The following NEMF variants were observed in gnomAD, a reference collection of about 807,000 sequenced individuals.
The protein encoded by NEMF is ribosome quality control complex subunit NEMF.
NEMF carries 89 observed loss-of-function variants against 162.2 expected under a neutral mutation model. The observed-to-expected ratio is 0.55, with a 90% CI of 0.46 to 0.65. The LOEUF (loss-of-function observed/expected upper bound fraction) is 0.65, where lower values mean the gene tolerates loss of function less well. NEMF is among the 30% of genes least tolerant of loss of function. The pLI is 0.00. For synonymous variants in NEMF, 421 were observed against 404.5 expected (o/e 1.04, Z -0.49); for missense variants, 1,133 against 1,261.9 (o/e 0.90, Z 1.55).
intron 26 of NEMF, 51 bp from the exon 27 acceptor site, chr14:49,789,624 CAACA>C: frequency 6.3e-7 from 1 of 1,583,262 alleles, no homozygotes; most frequent in South Asian, 1.2e-5. Flanking sequence ...AAAAAAATGT[CAACA>C]AATACTTGCA....
intron 15 of NEMF, among the ~76,000 whole-genome samples, chr14:49,827,340 T>A (rs1394246372): frequency 6.6e-6 from 1 of 151,998 alleles, no homozygotes; most frequent in Non-Finnish European, 1.5e-5. Flanking sequence ...GTACCCGCCA[T>A]CACCTCAGGC....
intron 18 of NEMF, among the ~76,000 whole-genome samples, chr14:49,810,294 G>T (rs1566670089): frequency 6.6e-6 from 1 of 151,332 alleles, no homozygotes; most frequent in Non-Finnish European, 1.5e-5. Context: ...TGTGAACCCA[G>T]GAGGCAGAGC....
At chr14:49,799,448 T>C in intron 25 of NEMF, 27 bp downstream of exon 25, 1 of 1,570,674 alleles carries the variant, frequency 6.4e-7, no homozygotes, top group Non-Finnish European at 8.6e-7. Flanking sequence ...AACATGCTTT[T>C]TAGTTAATTA....
Position 49,840,860 on chromosome 14 carries a change from T to G in NEMF, c.364A>C (p.Ile122Leu). Residue 122 changes from isoleucine to leucine, a missense_variant, in exon 5 of 33, where the codon ATT becomes CTT. Ile to Leu is a conservative substitution (Grantham distance 5, BLOSUM62 2). Transcript: ENST00000298310. ...LIIELYDRGN[I>L]VLTDYEYVIL... The stretch of plus-strand genomic sequence containing the variant: ...ACGTACTCATAATCTGTAAGAACAA[T>G]GTTCCCCTGCAATAAAATAAAATAC... 6.2e-7 allele frequency: 1 copy of G among 1,602,956 alleles called. No individual in the cohort carries two copies. The highest frequency in any genetic ancestry group is 8.5e-7 in the Non-Finnish European group (1 of 1,176,952).
intron 19 of NEMF, 79 bp downstream of exon 19, chr14:49,805,942 T>C: frequency 1.2e-6 from 1 of 846,100 alleles, no homozygotes; most frequent in Non-Finnish European, 1.8e-6. Context: ...CTTGTCTGCT[T>C]TATTTACTTC....
At chr14:49,837,478 C>T (rs1471435114) in intron 6 of NEMF, among the ~76,000 whole-genome samples, 1 of 151,854 alleles carries the variant, frequency 6.6e-6, no homozygotes, top group African/African-American at 2.4e-5. Context: ...TAATGAGACC[C>T]TACCTCTAAA....
intron 16 of NEMF, among the ~76,000 whole-genome samples, chr14:49,821,773 C>T (rs1743675110): frequency 6.6e-6 from 1 of 151,620 alleles, no homozygotes; most frequent in African/African-American, 2.4e-5. Flanking sequence ...AAGTGAGGAG[C>T]CCCTCTGCCC....
In NEMF at chr14:49,800,581, T is replaced by C. The variant is rs763699496; in HGVS notation, c.2211A>G (p.Glu737=). ...EDITLQSGRD[E]LNEELIQEES... is the part of the protein sequence containing the mutation. The stretch of plus-strand genomic sequence containing the variant: ...CTTCCTGAATGAGCTCCTCATTTAG[T>C]TCATCTCTGCCACTCTGAAGAGTGA... Residue 737 remains glutamate (E), a synonymous_variant, in exon 23 of 33, where the codon GAA becomes GAG. Coordinates refer to ENST00000298310, the MANE Select transcript of NEMF (RefSeq NM_004713.6). The C allele has an allele frequency of 6.2e-6, 10 of 1,614,022 alleles. No individual in the cohort carries two copies. Among genetic ancestry groups the C allele is most frequent in the Non-Finnish European group, 8.5e-6 (10 of 1,179,966 alleles).
intron 3 of NEMF, among the ~76,000 whole-genome samples, chr14:49,848,672 T>G (rs1893629020): frequency 6.6e-6 from 1 of 151,694 alleles, no homozygotes; most frequent in African/African-American, 2.4e-5. Flanking sequence ...CCATCTCTAC[T>G]AAAAATACAA....
chr14:49,821,333 G>A (rs1456334528), intron 16 of NEMF, among the ~76,000 whole-genome samples: 1 of 7,934 alleles, frequency 1.3e-4, no homozygotes, highest in African/African-American at 1.4e-4. Flanking sequence ...CCCCCCGCCC[G>A]GCCAGCCGCC....
intron 19 of NEMF, among the ~76,000 whole-genome samples, chr14:49,804,512 C>T (rs995032774): frequency 2.6e-5 from 4 of 151,756 alleles, no homozygotes; most frequent in Admixed American, 2.0e-4. Flanking sequence ...CCTGTCTCTA[C>T]TAAAATTAGC....
intron 16 of NEMF, chr14:49,818,210 C>G (rs1237651431): frequency 1.3e-5 from 2 of 152,008 alleles, no homozygotes; most frequent in Non-Finnish European, 2.9e-5. Context: ...GCCTCAGCCT[C>G]CCGAGTAGCT....
chr14:49,800,799 C>T, intron 22 of NEMF, 103 bp from the exon 23 acceptor site: 1 of 1,138,694 alleles, frequency 8.8e-7, no homozygotes. Context: ...CCATATTTCT[C>T]CAAAAAATCA....
At chr14:49,831,500 C>T (rs145076053) in intron 10 of NEMF, 139 bp from the exon 11 acceptor site, 9,438 of 595,532 alleles carry the variant, frequency 0.016, 114 homozygotes, top group Middle Eastern at 0.024. Flanking sequence ...TGCAGTGGCG[C>T]GATCTAGGCT....
intron 18 of NEMF, among the ~76,000 whole-genome samples, chr14:49,809,907 AATG>A (rs961315747): frequency 4.6e-5 from 7 of 152,070 alleles, no homozygotes; most frequent in African/African-American, 2.4e-5. Flanking sequence ...TCTGGGCCAT[AATG>A]ATGTGTCAAT....
At chr14:49,814,507 T>C (rs1413146928) in intron 17 of NEMF, among the ~76,000 whole-genome samples, 6 of 152,224 alleles carry the variant, frequency 3.9e-5, no homozygotes, top group Non-Finnish European at 8.8e-5. Flanking sequence ...AAAGTTATTC[T>C]GTTAATGTAA....
Position 49,784,566 on chromosome 14 carries a change from G to A in NEMF, c.*70C>T, listed in dbSNP as rs1301888738. The A allele has an allele frequency of 9.8e-7, 1 of 1,017,896 alleles. No individual in the cohort carries two copies. The highest frequency in any genetic ancestry group is 1.6e-5 in the African/African-American group (1 of 62,742). 63.1% of individuals were successfully genotyped at this position (1,017,896 alleles called of 1,614,324 possible). ...TAATGCGGAAATCCTGATACATGGTGCTTTCATCTTTGAACTTCCAAAAGG... is the reference window on the plus strand; with the variant it reads ...TAATGCGGAAATCCTGATACATGGTACTTTCATCTTTGAACTTCCAAAAGG... On this transcript the variant is annotated 3_prime_UTR_variant, in exon 33 of 33. Coordinates refer to ENST00000298310, the MANE Select transcript of NEMF (RefSeq NM_004713.6).
At chr14:49,813,348 T>C (rs1040302707) in intron 18 of NEMF, among the ~76,000 whole-genome samples, 1 of 152,218 alleles carries the variant, frequency 6.6e-6, no homozygotes, top group African/African-American at 2.4e-5. Flanking sequence ...GTCCCAAGCA[T>C]TTCAGATAGG....
chr14:49,816,405 T>G (rs1209117989), intron 16 of NEMF, among the ~76,000 whole-genome samples: 1 of 152,234 alleles, frequency 6.6e-6, no homozygotes, highest in Admixed American at 6.5e-5. Context: ...CTCAGAAGCA[T>G]GTGATCTTTG....
Sources: allele counts gnomAD v4.1 joint callset (sites outside exome capture counted in the v4.1 genomes callset), GRCh38; gene constraint gnomAD v4.1.1; transcripts MANE v1.5; gene names NCBI Gene and HGNC (gene_info 2026-07-23, HGNC 2026-07-21).